C12orf42: variants seen among roughly 807,000 people sequenced by gnomAD.
The protein encoded by C12orf42 is chromosome 12 open reading frame 42, also known as uncharacterized protein C12orf42.
In C12orf42, 25 loss-of-function variants were observed where a neutral mutation model predicts 21.6. That is an observed-to-expected ratio of 1.16 (90% CI 0.84 to 1.62). The LOEUF (loss-of-function observed/expected upper bound fraction) is 1.62. Ranked by LOEUF, C12orf42 falls within the 40% of genes most tolerant of loss-of-function variation. C12orf42 has a pLI of 0.00. For missense variants in C12orf42, 483 were observed against 459.3 expected, an observed-to-expected ratio of 1.05 and a Z score of -0.47; for synonymous variants, 174 against 175.0, an observed-to-expected ratio of 0.99 and a Z score of 0.05.
chr12:103,520,783 A>G, the C12orf42 span, among the ~76,000 whole-genome samples: 2 of 152,234 alleles, frequency 1.3e-5, no homozygotes, highest in Non-Finnish European at 2.9e-5. Flanking sequence ...TGAAGACTTC[A>G]TGGGCATGCC....
At chr12:103,512,037 C>G in the C12orf42 span, among the ~76,000 whole-genome samples, 1 of 152,120 alleles carries the variant, frequency 6.6e-6, no homozygotes, top group African/African-American at 2.4e-5. Flanking sequence ...TGAGGTTGCT[C>G]CTTGGGAGTC....
the C12orf42 span, chr12:103,559,513 G>A: frequency 3.3e-5 from 5 of 152,194 alleles, no homozygotes; most frequent in Non-Finnish European, 7.3e-5. Context: ...AAATCATTAA[G>A]CCTAAGGATG....
chr12:103,095,754 T>C, the C12orf42 span, among the ~76,000 whole-genome samples: 1 of 152,216 alleles, frequency 6.6e-6, no homozygotes, highest in East Asian at 1.9e-4. Context: ...TGACACATAG[T>C]AGGTGCTCAG....
the C12orf42 span, among the ~76,000 whole-genome samples, chr12:103,052,295 T>G: frequency 6.6e-6 from 1 of 152,160 alleles, no homozygotes; most frequent in Non-Finnish European, 1.5e-5. Context: ...TTTAAAAATG[T>G]ATATTGTCAT....
At chr12:103,346,533 A>G (rs186420439) in intron 4 of C12orf42, among the ~76,000 whole-genome samples, 28 of 152,282 alleles carry the variant, frequency 1.8e-4, no homozygotes, top group African/African-American at 6.7e-4. Context: ...TCTTTTTCCA[A>G]ATCATCTCTG....
intron 3 of C12orf42, among the ~76,000 whole-genome samples, chr12:103,397,369 C>G (rs945538637): frequency 3.3e-5 from 5 of 152,220 alleles, no homozygotes; most frequent in Non-Finnish European, 5.9e-5. Context: ...GGTGGCACAA[C>G]AGGAGGTGAG....
the C12orf42 span, among the ~76,000 whole-genome samples, chr12:103,540,323 C>T: frequency 1.3e-5 from 2 of 152,108 alleles, no homozygotes; most frequent in East Asian, 3.9e-4. Flanking sequence ...TGTTTCTCAT[C>T]TGCACTTCTT....
the C12orf42 span, among the ~76,000 whole-genome samples, chr12:103,068,223 A>G: frequency 4.6e-5 from 7 of 152,218 alleles, no homozygotes; most frequent in African/African-American, 1.4e-4. Flanking sequence ...GTTTGTGCAT[A>G]TATACACTTG....
intron 4 of C12orf42, among the ~76,000 whole-genome samples, chr12:103,342,615 A>G (rs1237384354): frequency 6.6e-6 from 1 of 151,930 alleles, no homozygotes; most frequent in Non-Finnish European, 1.5e-5. Context: ...TAAAAAAGAA[A>G]AAAAGCAAAT....
At chr12:103,390,270 C>T (rs1002772448) in intron 3 of C12orf42, among the ~76,000 whole-genome samples, 2 of 152,178 alleles carry the variant, frequency 1.3e-5, no homozygotes, top group African/African-American at 2.4e-5. Context: ...CGTTTTACCT[C>T]ATTTAATCTT....
rs77307949 is a variant in C12orf42, at chr12:103,240,729, C to T, written c.*1367-2827G>A. Among the ~76,000 whole-genome samples the T allele has an allele frequency of 2.0e-4, 31 of 152,234 alleles. No individual in the cohort carries two copies. The East Asian group carries it at 4.8e-3, about 24-fold the overall frequency. On this transcript the variant is annotated intron_variant and NMD_transcript_variant, in intron 10 of 10. Coordinates refer to the C12orf42 transcript ENST00000547347. ...CCAAGTGTCTCTACCCTGCATGATA[C>T]GCAGAATTGGAGTTATGCCATCTTT...
At position 103,295,631 on chromosome 12, in the gene C12orf42, G is replaced by C. The variant is rs144130559; in HGVS notation, n.338-18421C>G. 4.8e-4 allele frequency among the ~76,000 whole-genome samples: 73 copies of C among 152,212 alleles called. 1 individual carries two copies. The highest frequency in any genetic ancestry group is 9.8e-4 in the Admixed American group (15 of 15,282). On this transcript the variant is annotated intron_variant and non_coding_transcript_variant, in intron 4 of 6. Transcript: ENST00000546526. ...TCTTAGAGAGGAACATGATGACACAGTCAGCAGAAATTGTGCTCAATGTCA... is the reference window on the plus strand; with the variant it reads ...TCTTAGAGAGGAACATGATGACACACTCAGCAGAAATTGTGCTCAATGTCA...
At chr12:103,298,047 A>G (rs926567929), downstream of C12orf42, among the ~76,000 whole-genome samples, 4 of 151,908 alleles carry the variant, frequency 2.6e-5, no homozygotes, top group Admixed American at 6.6e-5. Flanking sequence ...ACTGGCACAA[A>G]ACAGGGATGT....
the C12orf42 span, chr12:103,080,890 A>G: frequency 1.2e-4 from 18 of 152,340 alleles, no homozygotes; most frequent in African/African-American, 4.3e-4. Context: ...CTGAGTTTCA[A>G]ATAGGTCAAC....
chr12:103,450,811 T>A (rs4300484), intron 2 of C12orf42, among the ~76,000 whole-genome samples: 96,689 of 151,944 alleles, frequency 0.64, 31,528 homozygotes, highest in Admixed American at 0.73. Context: ...TAGATTGCAC[T>A]GGCAGCTGAG....
the C12orf42 span, among the ~76,000 whole-genome samples, chr12:103,522,500 G>A: frequency 6.6e-6 from 1 of 152,044 alleles, no homozygotes; most frequent in African/African-American, 2.4e-5. Context: ...ATCTCTCATG[G>A]CTCTCCAGCA....
chr12:103,488,848 G>A (rs779202279), intron 1 of C12orf42, among the ~76,000 whole-genome samples: 27 of 152,220 alleles, frequency 1.8e-4, no homozygotes, highest in Admixed American at 5.2e-4. Context: ...TTAGCCATTC[G>A]TCTAACCTTT....
chr12:103,124,155 CTTTTTTTTTT>C, the C12orf42 span, among the ~76,000 whole-genome samples: 894 of 75,992 alleles, frequency 0.012, 5 homozygotes, highest in African/African-American at 0.029. Flanking sequence ...CAAACATAAG[CTTTTTTTTTT>C]TTTTTTTTTT....
At chr12:103,562,857 A>G in the C12orf42 span, among the ~76,000 whole-genome samples, 1 of 152,208 alleles carries the variant, frequency 6.6e-6, no homozygotes, top group Non-Finnish European at 1.5e-5. Flanking sequence ...ACCATTATGT[A>G]TCAGAGTGTG....
Sources: allele counts gnomAD v4.1 joint callset (sites outside exome capture counted in the v4.1 genomes callset), GRCh38; gene constraint gnomAD v4.1.1; transcripts MANE v1.5; gene names NCBI Gene and HGNC (gene_info 2026-07-23, HGNC 2026-07-21).